Variants in EIF4G3 observed in about 807,000 individuals in gnomAD.
EIF4G3 encodes the protein eIF-4-gamma 3.
A neutral mutation model predicts 186.4 loss-of-function variants in EIF4G3; 34 were observed. The observed-to-expected ratio is 0.18, with a 90% confidence interval of 0.14 to 0.24. The LOEUF is 0.24. EIF4G3 is among the 10% of genes least tolerant of loss of function. The probability of loss-of-function intolerance (pLI) is 1.00; values close to 1 mark genes in which losing one functional copy is unlikely to be tolerated. For synonymous variants in EIF4G3, 673 were observed against 679.5 expected (o/e 0.99, Z 0.15); for missense variants, 1,536 against 1,948.5 (o/e 0.79, Z 3.99).
chr1:20,816,492 T>G (rs1216682490), intron 34 of EIF4G3, among the ~76,000 whole-genome samples: 1 of 61,202 alleles, frequency 1.6e-5, no homozygotes, highest in Non-Finnish European at 3.2e-5. Context: ...GGGAGGGAGG[T>G]GGGGGGGTCA....
intron 12 of EIF4G3, among the ~76,000 whole-genome samples, chr1:20,964,970 G>T (rs2074287050): frequency 6.6e-6 from 1 of 152,158 alleles, no homozygotes; most frequent in South Asian, 2.1e-4. Flanking sequence ...TCCACCTGCT[G>T]GGTGAGTTCC....
chr1:21,023,525 GC>G (rs1462189317), intron 4 of EIF4G3, among the ~76,000 whole-genome samples: 2 of 152,080 alleles, frequency 1.3e-5, no homozygotes, highest in Non-Finnish European at 2.9e-5. Flanking sequence ...CTCCCGAGGT[GC>G]CGGGATGGCA....
chr1:20,982,734 T>C (rs1032202544), intron 7 of EIF4G3, among the ~76,000 whole-genome samples: 10 of 152,210 alleles, frequency 6.6e-5, no homozygotes, highest in African/African-American at 2.4e-4. Flanking sequence ...GACTACTGGT[T>C]CTTACTCTTG....
chr1:21,082,967 G>C (rs2095837989), intron 3 of EIF4G3, among the ~76,000 whole-genome samples: 2 of 147,660 alleles, frequency 1.4e-5, no homozygotes, highest in South Asian at 4.3e-4. Context: ...GAACCTGGGA[G>C]GGGGAGCTTG....
At chr1:20,820,620 C>G (rs886974677) in intron 33 of EIF4G3, among the ~76,000 whole-genome samples, 2 of 152,176 alleles carry the variant, frequency 1.3e-5, no homozygotes, top group Admixed American at 1.3e-4. Flanking sequence ...CATGGTGCCT[C>G]TTCCAGGCCC....
intron 3 of EIF4G3, among the ~76,000 whole-genome samples, chr1:21,052,864 G>A (rs1440165488): frequency 6.6e-6 from 1 of 152,252 alleles, no homozygotes; most frequent in African/African-American, 2.4e-5. Flanking sequence ...ATGGCAGACG[G>A]AGTCTCGTTC....
intron 14 of EIF4G3, chr1:20,929,251 G>GT (rs2095155537): frequency 6.6e-6 from 1 of 152,032 alleles, no homozygotes; most frequent in Non-Finnish European, 1.5e-5. Context: ...GTTAATGATG[G>GT]TATTACCATC....
intron 30 of EIF4G3, among the ~76,000 whole-genome samples, chr1:20,839,171 G>A (rs1269430333): frequency 1.3e-5 from 2 of 152,020 alleles, no homozygotes; most frequent in Non-Finnish European, 2.9e-5. Context: ...TAGAGGCGGG[G>A]TTTCACCATG....
At chr1:21,044,232 T>C (rs189197160) in intron 4 of EIF4G3, among the ~76,000 whole-genome samples, 1 of 152,198 alleles carries the variant, frequency 6.6e-6, no homozygotes, top group Non-Finnish European at 1.5e-5. Flanking sequence ...CTACTTTTTT[T>C]TAAAAGTGTC....
At chr1:20,938,931 A>AC (rs1385881340) in intron 14 of EIF4G3, among the ~76,000 whole-genome samples, 1 of 151,702 alleles carries the variant, frequency 6.6e-6, no homozygotes, top group Non-Finnish European at 1.5e-5. Flanking sequence ...ACAAGGTGAA[A>AC]CCCCGTCTCT....
intron 30 of EIF4G3, among the ~76,000 whole-genome samples, chr1:20,837,378 G>C (rs1472370908): frequency 6.6e-6 from 1 of 152,082 alleles, no homozygotes; most frequent in Non-Finnish European, 1.5e-5. Context: ...GCTAATTTTT[G>C]TATTTTTAGC....
At chr1:21,128,624 T>C (rs1283717077) in intron 2 of EIF4G3, among the ~76,000 whole-genome samples, 1 of 152,232 alleles carries the variant, frequency 6.6e-6, no homozygotes, top group South Asian at 2.1e-4. Flanking sequence ...TTCTTTGGCC[T>C]TCATTTCTGT....
chr1:20,980,519 A>G (rs1262611809), intron 9 of EIF4G3, 71 bp from the exon 10 acceptor site: 17 of 1,046,060 alleles, frequency 1.6e-5, no homozygotes, highest in Non-Finnish European at 2.2e-5. Context: ...ATAAAATAAT[A>G]AGAAAGTAGC....
Position 20,982,339 on chromosome 1 carries a change from T to C in EIF4G3, c.198+49A>G, listed in dbSNP as rs1197444021. 2.9e-6 allele frequency: 4 copies of C among 1,379,798 alleles called. No homozygotes were observed. In the African/African-American group the frequency reaches 5.9e-5, roughly 20 times the overall value. The allele number at this position is 1,379,798 out of a possible 1,614,324, so 85.5% of individuals were successfully genotyped here. A position where few individuals can be genotyped will look rare whatever the true frequency, so the allele number is the denominator to read the frequency against. On this transcript the variant is annotated intron_variant, in intron 8 of 36. Transcript: ENST00000602326. Reference sequence around the variant, plus strand: ...TTAGCAATCAATCTCAATGTAATAATAAGCAGACTGAGTTATAAAGAGGCC... The same window carrying C: ...TTAGCAATCAATCTCAATGTAATAACAAGCAGACTGAGTTATAAAGAGGCC...
intron 7 of EIF4G3, among the ~76,000 whole-genome samples, chr1:20,985,101 C>T (rs2079161422): frequency 6.6e-6 from 1 of 152,168 alleles, no homozygotes; most frequent in African/African-American, 2.4e-5. Flanking sequence ...CCCATATTTT[C>T]ACATAAACCA....
chr1:20,976,982 C>T (rs12759867), intron 10 of EIF4G3, among the ~76,000 whole-genome samples: 4,365 of 151,562 alleles, frequency 0.029, 81 homozygotes, highest in Non-Finnish European at 0.048. Context: ...TAGAAAGATG[C>T]CCATGAATAT....
chr1:20,949,976 G>A (rs2096134655), intron 13 of EIF4G3, 27 bp downstream of exon 13: 1 of 1,567,034 alleles, frequency 6.4e-7, no homozygotes, highest in Non-Finnish European at 8.8e-7. Context: ...CTAAAGATAA[G>A]AGGGAGGAAA....
intron 4 of EIF4G3, among the ~76,000 whole-genome samples, chr1:21,011,360 T>C (rs1339664326): frequency 1.3e-5 from 2 of 152,200 alleles, no homozygotes; most frequent in Admixed American, 6.5e-5. Flanking sequence ...GAAATAATTA[T>C]AGATTTACAC....
At chr1:21,175,654 A>T (rs931148095) in intron 2 of EIF4G3, 3 of 152,242 alleles carry the variant, frequency 2.0e-5, no homozygotes, top group Non-Finnish European at 4.4e-5. Flanking sequence ...TTAGACTGAA[A>T]ATCCAACATA....
Sources: allele counts gnomAD v4.1 joint callset (sites outside exome capture counted in the v4.1 genomes callset), GRCh38; gene constraint gnomAD v4.1.1; transcripts MANE v1.5; gene names NCBI Gene and HGNC (gene_info 2026-07-23, HGNC 2026-07-21).